The following OPCML variants were observed in gnomAD, a reference collection of about 807,000 sequenced individuals.
OPCML encodes the protein opioid-binding protein/cell adhesion molecule.
OPCML carries 13 observed loss-of-function variants against 37.8 expected under a neutral mutation model. The ratio of observed to expected loss-of-function variants is 0.34; its 90% CI spans 0.22 to 0.55. The LOEUF (loss-of-function observed/expected upper bound fraction) is 0.55. OPCML is among the 20% of genes least tolerant of loss of function. The probability of loss-of-function intolerance (pLI) is 0.91; values close to 1 mark genes in which losing one functional copy is unlikely to be tolerated. For missense variants in OPCML, 341 were observed against 435.6 expected (o/e 0.78, Z 1.93); for synonymous variants, 176 against 168.8 (o/e 1.04, Z -0.33).
intron 1 of OPCML, among the ~76,000 whole-genome samples, chr11:133,452,644 C>T (rs1226013727): frequency 6.6e-6 from 1 of 151,364 alleles, no homozygotes; most frequent in Admixed American, 6.6e-5. Context: ...AGACCCTTAT[C>T]TCATATTTTA....
chr11:132,730,299 A>G (rs1401543746), intron 2 of OPCML, among the ~76,000 whole-genome samples: 1 of 152,180 alleles, frequency 6.6e-6, no homozygotes, highest in African/African-American at 2.4e-5. Context: ...TCCATATACT[A>G]GACATTCTTT....
At chr11:132,710,019 A>C (rs140161655) in intron 2 of OPCML, among the ~76,000 whole-genome samples, 11 of 152,346 alleles carry the variant, frequency 7.2e-5, no homozygotes, top group Non-Finnish European at 1.3e-4. Flanking sequence ...TCTGTAATAC[A>C]GTTGGTAATC....
At chr11:133,006,825 G>T (rs1947122631) in intron 1 of OPCML, 2 of 985,288 alleles carry the variant, frequency 2.0e-6, no homozygotes, top group African/African-American at 3.5e-5. Context: ...GTGACACCAG[G>T]GTAACTGGGC....
intron 1 of OPCML, among the ~76,000 whole-genome samples, chr11:133,162,921 A>G (rs1448184850): frequency 6.6e-6 from 1 of 152,218 alleles, no homozygotes; most frequent in East Asian, 1.9e-4. Context: ...TGACGCTGCT[A>G]GTAACCAGCC....
At chr11:133,306,092 A>G (rs1476813954) in intron 1 of OPCML, among the ~76,000 whole-genome samples, 1 of 152,200 alleles carries the variant, frequency 6.6e-6, no homozygotes, top group East Asian at 1.9e-4. Context: ...AATGCATCTG[A>G]ATTGGTAGCA....
intron 2 of OPCML, among the ~76,000 whole-genome samples, chr11:132,829,862 G>A (rs140183189): frequency 6.2e-4 from 94 of 151,822 alleles, no homozygotes; most frequent in African/African-American, 2.2e-3. Context: ...TCTCATTTGG[G>A]GTCCACATCT....
chr11:133,127,218 T>G (rs971920168), intron 1 of OPCML, among the ~76,000 whole-genome samples: 1 of 152,204 alleles, frequency 6.6e-6, no homozygotes, highest in African/African-American at 2.4e-5. Context: ...TAAAGTACTA[T>G]TATTCTAAAG....
intron 1 of OPCML, among the ~76,000 whole-genome samples, chr11:133,283,789 TG>T (rs1942225484): frequency 6.6e-6 from 1 of 152,198 alleles, no homozygotes; most frequent in South Asian, 2.1e-4. Flanking sequence ...GGTAATGTTT[TG>T]GGATAGTTCT....
intron 1 of OPCML, among the ~76,000 whole-genome samples, chr11:133,491,457 T>C (rs1947656160): frequency 6.6e-6 from 1 of 152,154 alleles, no homozygotes; most frequent in African/African-American, 2.4e-5. Context: ...ACATTCTTAT[T>C]GTGTGGTTAT....
At chr11:132,683,290 C>T (rs1476117546) in intron 2 of OPCML, among the ~76,000 whole-genome samples, 1 of 152,060 alleles carries the variant, frequency 6.6e-6, no homozygotes, top group Non-Finnish European at 1.5e-5. Context: ...GTCCCAGTTA[C>T]TTACGAGGCT....
chr11:132,698,266 G>T (rs897762849), intron 2 of OPCML, among the ~76,000 whole-genome samples: 6 of 152,198 alleles, frequency 3.9e-5, no homozygotes, highest in African/African-American at 1.4e-4. Flanking sequence ...CACCAACAGT[G>T]TACCAGGGTT....
At chr11:132,849,198 T>C (rs1941687217) in intron 2 of OPCML, among the ~76,000 whole-genome samples, 1 of 152,246 alleles carries the variant, frequency 6.6e-6, no homozygotes, top group Admixed American at 6.5e-5. Context: ...CTCCATTTTA[T>C]GGACAAGGAA....
At chr11:133,122,426 C>T (rs771351160) in intron 1 of OPCML, among the ~76,000 whole-genome samples, 2 of 152,098 alleles carry the variant, frequency 1.3e-5, no homozygotes, top group Non-Finnish European at 2.9e-5. Flanking sequence ...CCTAGAATTG[C>T]TGAGTCAGAT....
chr11:133,109,224 C>CG (rs943543447), intron 1 of OPCML, among the ~76,000 whole-genome samples: 19 of 152,236 alleles, frequency 1.2e-4, no homozygotes, highest in Admixed American at 5.9e-4. Context: ...GGAACTTTGC[C>CG]GTGGGTGTTA....
At chr11:132,702,542 T>A (rs559258180) in intron 2 of OPCML, among the ~76,000 whole-genome samples, 70 of 152,334 alleles carry the variant, frequency 4.6e-4, no homozygotes, top group African/African-American at 1.6e-3. Context: ...AAAGTGAAGA[T>A]CTTTTATGTT....
chr11:133,501,822 C>T (rs1947921886), intron 1 of OPCML, among the ~76,000 whole-genome samples: 1 of 152,134 alleles, frequency 6.6e-6, no homozygotes, highest in Non-Finnish European at 1.5e-5. Flanking sequence ...CTGAGCAGCT[C>T]TCCCTCCTCA....
chr11:133,432,848 GC>G (rs1946153309), intron 1 of OPCML, among the ~76,000 whole-genome samples: 2 of 152,076 alleles, frequency 1.3e-5, no homozygotes. Context: ...TATATACCAT[GC>G]AAAATACTAA....
At chr11:133,332,031 T>G (rs1000858818) in intron 1 of OPCML, among the ~76,000 whole-genome samples, 1 of 152,198 alleles carries the variant, frequency 6.6e-6, no homozygotes, top group African/African-American at 2.4e-5. Flanking sequence ...GAAAGTATAG[T>G]CATTTGAACG....
intron 3 of OPCML, among the ~76,000 whole-genome samples, chr11:132,531,948 G>T (rs1475413962): frequency 6.6e-6 from 1 of 151,960 alleles, no homozygotes; most frequent in African/African-American, 2.4e-5. Flanking sequence ...AGATCCTAGA[G>T]GCTCCCTGAT....
Sources: gnomAD v4.1 joint callset for allele counts (sites outside exome capture counted in the v4.1 genomes callset) on GRCh38, gnomAD v4.1.1 for gene constraint, MANE v1.5 for transcripts, NCBI Gene and HGNC (gene_info 2026-07-23, HGNC 2026-07-21) for gene names.